The following ARHGAP20 variants were observed in gnomAD, a reference collection of about 807,000 sequenced individuals.
ARHGAP20 encodes rho GTPase-activating protein 20.
Under a neutral mutation model 73.7 loss-of-function variants are expected in ARHGAP20, and 34 were observed. The observed-to-expected ratio is 0.46, with a 90% CI of 0.35 to 0.61. The LOEUF is 0.61. Ranked by LOEUF, ARHGAP20 falls within the 20% of genes least tolerant of loss-of-function variation. The pLI is 0.00. For synonymous variants in ARHGAP20, 523 were observed against 518.2 expected (o/e 1.01, Z -0.13); for missense variants, 1,314 against 1,420.9 (o/e 0.92, Z 1.21).
At chr11:110,584,546 G>GTAAGT (rs1947569281) in intron 12 of ARHGAP20, among the ~76,000 whole-genome samples, 4 of 152,050 alleles carry the variant, frequency 2.6e-5, no homozygotes, top group Admixed American at 2.6e-4. Flanking sequence ...TTTTGTAAGG[G>GTAAGT]TAAGTTATGA....
At chr11:110,601,332 G>T (rs1359679733) in intron 9 of ARHGAP20, among the ~76,000 whole-genome samples, 1 of 152,158 alleles carries the variant, frequency 6.6e-6, no homozygotes, top group African/African-American at 2.4e-5. Context: ...CCCATTAAAA[G>T]TCAGGTTAAT....
Position 110,577,951 on chromosome 11 carries a change from G to A in ARHGAP20, c.*1419C>T. The A allele has an allele frequency of 1.0e-6, 1 of 985,622 alleles. No individual in the cohort carries two copies. The highest frequency in any genetic ancestry group is 1.2e-6 in the Non-Finnish European group (1 of 829,892). The allele number at this position is 985,622 out of a possible 1,614,324, so 61.1% of individuals were successfully genotyped here. A position where few individuals can be genotyped will look rare whatever the true frequency, so the allele number is the denominator to read the frequency against. ...AATAATTTGGAATAAGCTAGCTTGT[G>A]AGAGAAAGGTCCATCTGATGGTGAA... is the stretch of plus-strand genomic sequence containing the variant. On this transcript the variant is annotated 3_prime_UTR_variant, in exon 15 of 15. Coordinates refer to ENST00000683387, the MANE Select transcript of ARHGAP20 (RefSeq NM_001384657.1).
At chr11:110,613,097 GT>G (rs1288274714) in intron 6 of ARHGAP20, among the ~76,000 whole-genome samples, 1 of 152,138 alleles carries the variant, frequency 6.6e-6, no homozygotes, top group Non-Finnish European at 1.5e-5. Flanking sequence ...TAAGATAATA[GT>G]TTTTCTTAAT....
Position 110,577,385 on chromosome 11 carries a change from G to T in ARHGAP20, c.*1985C>A. On this transcript the variant is annotated 3_prime_UTR_variant, in exon 15 of 15. Coordinates refer to ENST00000683387, the MANE Select transcript of ARHGAP20 (RefSeq NM_001384657.1). The stretch of plus-strand genomic sequence containing the variant: ...TTACAGGAGTATCTAAGGGAACACA[G>T]ATAGTAGGAATGGTTATTAAAAAAC... 1 of 1,177,754 alleles carries T rather than the reference G, an allele frequency of 8.5e-7. No homozygotes were observed. Among genetic ancestry groups the T allele is most frequent in the Non-Finnish European group, 1.0e-6 (1 of 954,122 alleles). The allele number at this position is 1,177,754 out of a possible 1,614,324, so 73.0% of individuals were successfully genotyped here. A position where few individuals can be genotyped will look rare whatever the true frequency, so the allele number is the denominator to read the frequency against.
intron 9 of ARHGAP20, among the ~76,000 whole-genome samples, chr11:110,604,425 A>G (rs1488420493): frequency 1.3e-5 from 2 of 152,186 alleles, no homozygotes; most frequent in African/African-American, 4.8e-5. Flanking sequence ...AATTTAGTTG[A>G]GCAAGTCATT....
At chr11:110,684,176 T>C (rs933075082) in intron 2 of ARHGAP20, among the ~76,000 whole-genome samples, 1 of 152,118 alleles carries the variant, frequency 6.6e-6, no homozygotes, top group African/African-American at 2.4e-5. Context: ...TAGAGGAGTT[T>C]TTGAAGGAAG....
At chr11:110,673,063 CA>C (rs1949861042) in intron 2 of ARHGAP20, among the ~76,000 whole-genome samples, 1 of 152,122 alleles carries the variant, frequency 6.6e-6, no homozygotes, top group Non-Finnish European at 1.5e-5. Flanking sequence ...ATACATACAA[CA>C]TAGATGAATC....
At chr11:110,679,595 G>C (rs572853137) in intron 2 of ARHGAP20, among the ~76,000 whole-genome samples, 6 of 152,282 alleles carry the variant, frequency 3.9e-5, no homozygotes, top group Admixed American at 1.3e-4. Context: ...TGTAACTGAA[G>C]TATGCTTAGA....
At chr11:110,649,821 A>G (rs945615881) in intron 2 of ARHGAP20, among the ~76,000 whole-genome samples, 2 of 152,140 alleles carry the variant, frequency 1.3e-5, no homozygotes, top group Admixed American at 6.6e-5. Flanking sequence ...CAGAAGCAGC[A>G]GTTTTGACAG....
intron 10 of ARHGAP20, 38 bp from the exon 11 acceptor site, chr11:110,590,847 T>TCC (rs1947808964): frequency 6.3e-7 from 1 of 1,586,670 alleles, no homozygotes; most frequent in Non-Finnish European, 8.6e-7. Context: ...AAATGACACT[T>TCC]CCACACACAC....
chr11:110,591,634 G>A (rs368406484), intron 10 of ARHGAP20, among the ~76,000 whole-genome samples: 3 of 152,132 alleles, frequency 2.0e-5, no homozygotes, highest in Non-Finnish European at 2.9e-5. Context: ...GTGTAGGATC[G>A]AGTAGTTTCT....
At position 110,627,097 on chromosome 11, in the gene ARHGAP20, TA is replaced by T. The variant is rs530823064; in HGVS notation, c.354-2787del. Among the ~76,000 whole-genome samples the T allele has an allele frequency of 1.5e-4, 21 of 144,420 alleles. No homozygotes were observed. The South Asian group carries it at 3.4e-3, about 23-fold the overall frequency. The allele number at this position is 144,420 out of a possible 152,430, so 94.7% of individuals were successfully genotyped here. The stretch of plus-strand genomic sequence containing the variant: ...GAACAAAACCCCCTAAAAATATATA[TA>T]TTTTTTTGAGACAGAGTTTCGCTCT... On this transcript the variant is annotated intron_variant, in intron 3 of 14. Coordinates refer to ENST00000683387, the MANE Select transcript of ARHGAP20 (RefSeq NM_001384657.1).
intron 12 of ARHGAP20, among the ~76,000 whole-genome samples, chr11:110,584,962 TGAATATATGA>T (rs1947597050): frequency 1.4e-5 from 1 of 69,394 alleles, no homozygotes; most frequent in South Asian, 5.0e-4. Context: ...TGAATATATG[TGAATATATGA>T]ATATATATGT....
chr11:110,614,613 G>A lies in ARHGAP20; in HGVS notation c.578C>T (p.Pro193Leu), dbSNP rs746633900. The A allele has an allele frequency of 3.7e-6, 6 of 1,612,448 alleles. No homozygotes were observed. Among genetic ancestry groups the A allele is most frequent in the East Asian group, 2.2e-5 (1 of 44,828 alleles). Reference sequence around the variant, plus strand: ...GAAGATTTTGAGGGGAATGCTCTTCGGGTAGTCCTTTTCTTTCTCTAGATT... The same window carrying A: ...GAAGATTTTGAGGGGAATGCTCTTCAGGTAGTCCTTTTCTTTCTCTAGATT... ...YINLEKEKDY[P>L]KSIPLKIFAK... The change falls in exon 6 of 15, where the codon CCG becomes CTG. Residue 193 changes from proline (P) to leucine (L), a missense_variant. Physicochemically the swap from Pro to Leu is moderately conservative, Grantham distance 98. Coordinates refer to ENST00000683387, the MANE Select transcript of ARHGAP20 (RefSeq NM_001384657.1).
At chr11:110,590,551 T>A in intron 11 of ARHGAP20, 97 bp downstream of exon 11, 1 of 1,253,498 alleles carries the variant, frequency 8.0e-7, no homozygotes, top group South Asian at 1.8e-5. Flanking sequence ...CTATTATGGG[T>A]CTTTGCAAAT....
Position 110,712,212 on chromosome 11 carries a change from T to TG in ARHGAP20, c.19dup (p.Gln7ProfsTer48). On this transcript the variant is annotated frameshift_variant, in exon 1 of 15. Coordinates refer to ENST00000683387, the MANE Select transcript of ARHGAP20 (RefSeq NM_001384657.1). LOFTEE classifies it high-confidence loss of function. ...CGGCTGTCCCCCTAGAGTCTCCTGC[T>TG]GGGGGGACATCGCTTCCATGAAGAA... 1 of 1,366,430 alleles carries TG rather than the reference T, an allele frequency of 7.3e-7. No individual in the cohort carries two copies. The highest frequency in any genetic ancestry group is 2.2e-5 in the South Asian group (1 of 46,152). 84.6% of individuals were successfully genotyped at this position (1,366,430 alleles called of 1,614,324 possible).
At chr11:110,685,423 T>C (rs1402279880) in intron 2 of ARHGAP20, among the ~76,000 whole-genome samples, 2 of 152,056 alleles carry the variant, frequency 1.3e-5, no homozygotes, top group Non-Finnish European at 2.9e-5. Context: ...GCATGAAAGA[T>C]GTCTGTCACA....
intron 2 of ARHGAP20, among the ~76,000 whole-genome samples, chr11:110,654,559 T>C (rs1286857310): frequency 6.6e-6 from 1 of 152,174 alleles, no homozygotes; most frequent in Non-Finnish European, 1.5e-5. Flanking sequence ...CAAAATAAAA[T>C]TGATAGCTTA....
chr11:110,640,582 G>A (rs1422447895), intron 2 of ARHGAP20, among the ~76,000 whole-genome samples: 1 of 151,632 alleles, frequency 6.6e-6, no homozygotes, highest in Non-Finnish European at 1.5e-5. Context: ...ATATTATATG[G>A]GAATCTAATC....
Sources: allele counts gnomAD v4.1 joint callset (sites outside exome capture counted in the v4.1 genomes callset), GRCh38; gene constraint gnomAD v4.1.1; transcripts MANE v1.5; gene names NCBI Gene and HGNC (gene_info 2026-07-23, HGNC 2026-07-21).